Variants in USP7 observed in about 807,000 individuals in gnomAD.
USP7 encodes ubiquitin specific peptidase 7, also known as ubiquitin C-terminal hydrolase 7.
In USP7, 9 loss-of-function variants were observed where a neutral mutation model predicts 162.9. That is an observed-to-expected ratio of 0.06 (90% CI 0.03 to 0.10). USP7 has a LOEUF of 0.10. USP7 is among the 10% of genes least tolerant of loss of function. The pLI, the probability that USP7 is intolerant of heterozygous loss-of-function variation, is 1.00. For missense variants in USP7, 715 were observed against 1,373.7 expected (o/e 0.52, Z 7.58); for synonymous variants, 562 against 475.9 (o/e 1.18, Z -2.35).
chr16:8,894,248 C>A lies in USP7; in HGVS notation c.3203-144G>T, dbSNP rs1004541732. ...GCCAGGACCTGAGCTACACGCCCACCTGGAGCTAAGGAGGCCCACACCCTG... is the reference window on the plus strand; with the variant it reads ...GCCAGGACCTGAGCTACACGCCCACATGGAGCTAAGGAGGCCCACACCCTG... On this transcript the variant is annotated intron_variant, in intron 30 of 30. Transcript: ENST00000344836. 1.3e-5 allele frequency: 10 copies of A among 777,960 alleles called. No individual in the cohort carries two copies. In the Admixed American group the frequency reaches 1.3e-4, roughly 10 times the overall value. 48.2% of individuals were successfully genotyped at this position (777,960 alleles called of 1,614,324 possible).
intron 20 of USP7, 168 bp downstream of exon 20, chr16:8,900,822 T>TAA (rs372411168): frequency 8.7e-5 from 54 of 617,968 alleles, no homozygotes; most frequent in African/African-American, 3.9e-4. Flanking sequence ...CTACAACAGG[T>TAA]AAAAAAAAAA....
At chr16:8,956,090 A>T (rs1241934171) in intron 1 of USP7, among the ~76,000 whole-genome samples, 2 of 152,200 alleles carry the variant, frequency 1.3e-5, no homozygotes, top group African/African-American at 4.8e-5. Flanking sequence ...TTACTGTGAG[A>T]GCTGGAGGTT....
intron 3 of USP7, 38 bp downstream of exon 3, chr16:8,923,177 G>C (rs897336430): frequency 3.2e-5 from 2 of 62,072 alleles, no homozygotes; most frequent in Non-Finnish European, 5.8e-5. Context: ...GCACTAGGCT[G>C]ATCAAATTTG....
chr16:8,944,419 T>A (rs1263265265), intron 1 of USP7, among the ~76,000 whole-genome samples: 1 of 152,130 alleles, frequency 6.6e-6, no homozygotes, highest in South Asian at 2.1e-4. Context: ...AGCAGCTTCC[T>A]CTCTTAAATG....
intron 4 of USP7, 42 bp from the exon 5 acceptor site, chr16:8,920,489 C>G: frequency 1.9e-6 from 3 of 1,539,920 alleles, no homozygotes; most frequent in Non-Finnish European, 1.8e-6. Context: ...AATAAGAACA[C>G]ACATTTTATT....
intron 11 of USP7, among the ~76,000 whole-genome samples, chr16:8,909,180 G>C (rs889989083): frequency 6.6e-6 from 1 of 152,198 alleles, no homozygotes; most frequent in African/African-American, 2.4e-5. Flanking sequence ...CCAGCTCTTT[G>C]TTCCTCAGTA....
intron 18 of USP7, chr16:8,901,800 G>T: frequency 2.4e-6 from 1 of 416,810 alleles, no homozygotes; most frequent in Non-Finnish European, 4.3e-6. Context: ...TTGCAACCCT[G>T]CTCTTTAGGA....
At chr16:8,919,982 TC>T (rs1247160195) in intron 5 of USP7, among the ~76,000 whole-genome samples, 3 of 151,780 alleles carry the variant, frequency 2.0e-5, no homozygotes, top group African/African-American at 7.3e-5. Flanking sequence ...CTTCCCCCAG[TC>T]CCCCCTTCCT....
rs1420562080 is a variant in USP7 at position 8,918,942 on chromosome 16, C to T, written c.720+89G>A. On this transcript the variant is annotated intron_variant, in intron 6 of 30. Coordinates refer to ENST00000344836, the MANE Select transcript of USP7 (RefSeq NM_003470.3). The stretch of plus-strand genomic sequence containing the variant: ...AGGAGACAGGGCCAGGGGAGGGAGA[C>T]GCCATGTTTGTTGAGAGGACTTTGC... 3.5e-5 allele frequency: 46 copies of T among 1,301,046 alleles called. 2 individuals are homozygous for T. Among genetic ancestry groups the T allele is most frequent in the South Asian group, 2.3e-4 (19 of 82,760 alleles). The allele number at this position is 1,301,046 out of a possible 1,614,324, so 80.6% of individuals were successfully genotyped here.
chr16:8,894,382 C>A (rs2061649573), intron 30 of USP7, among the ~76,000 whole-genome samples, 168 bp downstream of exon 30: 1 of 152,162 alleles, frequency 6.6e-6, no homozygotes, highest in African/African-American at 2.4e-5. Context: ...ATGTAAGGAC[C>A]TGTTAAGAAC....
intron 20 of USP7, 77 bp downstream of exon 20, chr16:8,900,913 C>T (rs1348132603): frequency 1.5e-5 from 21 of 1,446,112 alleles, no homozygotes; most frequent in Admixed American, 2.0e-5. Context: ...GTAACAAATT[C>T]GGGGTAAAAA....
intron 10 of USP7, among the ~76,000 whole-genome samples, chr16:8,913,160 A>T (rs866482487): frequency 4.5e-4 from 69 of 152,346 alleles, no homozygotes; most frequent in Middle Eastern, 6.8e-3. Flanking sequence ...ACTCGAGACC[A>T]GCCTGCCCAA....
chr16:8,911,152 C>T (rs184825303), intron 10 of USP7, among the ~76,000 whole-genome samples: 2 of 152,142 alleles, frequency 1.3e-5, no homozygotes, highest in South Asian at 2.1e-4. Flanking sequence ...GTGTGGACAA[C>T]CCCTTGGTCT....
chr16:8,963,024 C>A, intron 1 of USP7, 183 bp downstream of exon 1: 1 of 399,044 alleles, frequency 2.5e-6, no homozygotes, highest in Non-Finnish European at 3.8e-6. Context: ...GCGGCCGCCC[C>A]TCGCCCGCGG....
At chr16:8,903,213 A>G in intron 16 of USP7, 55 bp downstream of exon 16, 1 of 1,582,138 alleles carries the variant, frequency 6.3e-7, no homozygotes, top group South Asian at 1.1e-5. Context: ...GTGACACGGA[A>G]GGAAGGTGGA....
At chr16:8,905,394 A>G (rs1596360458) in intron 13 of USP7, 63 bp from the exon 14 acceptor site, 2 of 1,588,782 alleles carry the variant, frequency 1.3e-6, no homozygotes, top group African/African-American at 2.7e-5. Context: ...CAACACTAGA[A>G]GGCAGCGTTG....
intron 1 of USP7, among the ~76,000 whole-genome samples, chr16:8,951,250 T>C (rs985393682): frequency 6.6e-6 from 1 of 152,272 alleles, no homozygotes; most frequent in Non-Finnish European, 1.5e-5. Context: ...ATCATATATA[T>C]ATTTAATCTT....
chr16:8,895,814 G>A, intron 26 of USP7, 73 bp from the exon 27 acceptor site: 4 of 1,011,730 alleles, frequency 4.0e-6, no homozygotes, highest in African/African-American at 3.4e-5. Flanking sequence ...TGGTTTTCTA[G>A]AAAGAAATAA....
chr16:8,916,479 T>C (rs770675054), intron 8 of USP7, 23 bp downstream of exon 8: 5 of 1,602,142 alleles, frequency 3.1e-6, no homozygotes, highest in East Asian at 2.2e-5. Flanking sequence ...GTAAGAAATA[T>C]ACAAGTATTG....
Sources: allele counts gnomAD v4.1 joint callset (sites outside exome capture counted in the v4.1 genomes callset), GRCh38; gene constraint gnomAD v4.1.1; transcripts MANE v1.5; gene names NCBI Gene and HGNC (gene_info 2026-07-23, HGNC 2026-07-21).